The following CHTF18 variants were observed in gnomAD, a reference collection of about 807,000 sequenced individuals.
The protein encoded by CHTF18 is chromosome transmission fidelity factor 18.
In CHTF18, 151 loss-of-function variants were observed where a neutral mutation model predicts 113.4. The ratio of observed to expected loss-of-function variants is 1.33; its 90% CI spans 1.17 to 1.52. The LOEUF is 1.52. Among genes scored for constraint, CHTF18 ranks in the 40% most tolerant of loss-of-function variants. The probability of loss-of-function intolerance (pLI) is 0.00; values close to 1 mark genes in which losing one functional copy is unlikely to be tolerated. For missense variants in CHTF18, 1,982 were observed against 1,381.6 expected (o/e 1.43, Z -6.89); for synonymous variants, 916 against 598.8 (o/e 1.53, Z -7.74).
intron 4 of CHTF18, chr16:789,954 G>A: frequency 6.5e-7 from 1 of 1,531,888 alleles, no homozygotes; most frequent in Admixed American, 2.0e-5. Flanking sequence ...TTCCCCTCCT[G>A]CTTTTGCCCT....
chr16:789,459 T>C (rs2042106013), intron 3 of CHTF18, 88 bp from the exon 4 acceptor site: 2 of 1,532,304 alleles, frequency 1.3e-6, no homozygotes, highest in East Asian at 4.5e-5. Context: ...GTGGGGAGGG[T>C]TCCATGGCTG....
chr16:790,378 A>G lies in CHTF18; in HGVS notation c.731A>G (p.Lys244Arg), dbSNP rs3765263. The change falls in exon 6 of 22, where the codon AAG (lysine) becomes AGG (arginine). Residue 244 changes from lysine (K) to arginine (R), a missense_variant. Physicochemically the swap from Lys to Arg is conservative, Grantham distance 26 (BLOSUM62 2). Transcript: ENST00000262315. ...RRERLLQEAQ[K>R]LSDTLHSLRS... ...GAGCGGCTGCTTCAGGAGGCCCAGA[A>G]GCTTTCAGACACCCTGCACAGGTGA... 466,651 of 1,610,860 alleles carry G rather than the reference A, an allele frequency of 0.29. 77,829 individuals carry two copies. The highest frequency in any genetic ancestry group is 0.6 in the East Asian group (26,960 of 44,732).
At chr16:793,447 C>T (rs372666363) in intron 14 of CHTF18, among the ~76,000 whole-genome samples, 173 bp downstream of exon 14, 2 of 152,162 alleles carry the variant, frequency 1.3e-5, no homozygotes, top group African/African-American at 4.8e-5. Flanking sequence ...TTGTTCTCGC[C>T]CCTACAGCCT....
Position 793,199 on chromosome 16 carries a change from G to T in CHTF18, c.1727G>T (p.Arg576Leu), listed in dbSNP as rs199722031. ...ELSVRDVQAT[R>L]VGLKDQRRGL... The stretch of plus-strand genomic sequence containing the variant: ...AGCGTGCGGGACGTGCAGGCCACAC[G>T]CGTGGGCCTCAAGGACCAGCGCAGA... The change falls in exon 14 of 22, where the codon CGC (arginine) becomes CTC (leucine). Residue 576 changes from arginine (R) to leucine (L), a missense_variant. Physicochemically the swap from Arg to Leu is moderately radical, Grantham distance 102. Coordinates refer to ENST00000262315, the MANE Select transcript of CHTF18 (RefSeq NM_022092.3). 279 of 1,608,912 alleles carry T rather than the reference G, an allele frequency of 1.7e-4. No individual in the cohort carries two copies. Among genetic ancestry groups the T allele is most frequent in the Non-Finnish European group, 2.2e-4 (256 of 1,178,724 alleles).
chr16:796,095 TG>T lies in CHTF18; in HGVS notation c.2456+22del. On this transcript the variant is annotated intron_variant, in intron 18 of 21. Transcript: ENST00000262315. ...CTGGAGCCGTGAGTCCCCCAGTGCC[TG>T]GGGTGTGCTCCAGGGTCATGCTCCC... The T allele has an allele frequency of 6.3e-7, 1 of 1,592,626 alleles. No homozygotes were observed. Among genetic ancestry groups the T allele is most frequent in the East Asian group, 2.3e-5 (1 of 43,684 alleles).
chr16:792,849 G>T, intron 12 of CHTF18, 38 bp downstream of exon 12: 1 of 1,534,882 alleles, frequency 6.5e-7, no homozygotes, highest in Non-Finnish European at 8.8e-7. Context: ...CTGATGGCGG[G>T]GTTGGGGGCG....
At chr16:791,535 C>T (rs1010415398) in intron 8 of CHTF18, 165 bp downstream of exon 8, 31 of 1,435,272 alleles carry the variant, frequency 2.2e-5, no homozygotes, top group African/African-American at 2.9e-5. Context: ...GTTGCAGTAA[C>T]AACTCGGGGG....
At position 790,414 on chromosome 16, in the gene CHTF18, C is replaced by G. The variant is rs193266504; in HGVS notation, c.752+15C>G. 1 of 1,612,316 alleles carries G rather than the reference C, an allele frequency of 6.2e-7. No homozygotes were observed. The highest frequency in any genetic ancestry group is 8.5e-7 in the Non-Finnish European group (1 of 1,179,746). Reference sequence around the variant, plus strand: ...ACCCTGCACAGGTGACTTGGTTGGCCCTTCCGCCCTGGGGACCCTTGTTGG... The same window carrying G: ...ACCCTGCACAGGTGACTTGGTTGGCGCTTCCGCCCTGGGGACCCTTGTTGG... On this transcript the variant is annotated intron_variant, in intron 6 of 21. Transcript: ENST00000262315.
In CHTF18 at chr16:790,345, A is replaced by G; in HGVS notation, c.700-2A>G. ...CCTGATTCCAGCCTGTTGTTTGCACAGCGGCGGGAGCGGCTGCTTCAGGAG... is the reference window on the plus strand; with the variant it reads ...CCTGATTCCAGCCTGTTGTTTGCACGGCGGCGGGAGCGGCTGCTTCAGGAG... On this transcript the variant is annotated splice_acceptor_variant, in intron 5 of 21. Coordinates refer to ENST00000262315, the MANE Select transcript of CHTF18 (RefSeq NM_022092.3). LOFTEE classifies it high-confidence loss of function. The G allele has an allele frequency of 6.2e-7, 1 of 1,608,846 alleles. No individual in the cohort carries two copies.
chr16:790,993 G>A, intron 7 of CHTF18, 168 bp from the exon 8 acceptor site: 1 of 1,454,202 alleles, frequency 6.9e-7, no homozygotes, highest in South Asian at 1.4e-5. Context: ...CGTGGGGGTG[G>A]AGCCCCTGGT....
Position 793,799 on chromosome 16 carries a change from TG to T in CHTF18, c.1803-251del, listed in dbSNP as rs1456446295. Reference sequence around the variant, plus strand: ...CCTGGACCCGGAGGGGGACTTTCCCTGGGGTCCCCTAACCCCAGAGGGTCAG... The same window carrying T: ...CCTGGACCCGGAGGGGGACTTTCCCTGGGTCCCCTAACCCCAGAGGGTCAG... On this transcript the variant is annotated intron_variant, in intron 14 of 21. Transcript: ENST00000262315. 4.6e-6 allele frequency: 3 copies of T among 653,274 alleles called. No homozygotes were observed. In the Admixed American group the frequency reaches 7.0e-5, roughly 15 times the overall value. The allele number at this position is 653,274 out of a possible 1,614,324, so 40.5% of individuals were successfully genotyped here. A position where few individuals can be genotyped will look rare whatever the true frequency, so the allele number is the denominator to read the frequency against.
rs546305 is a variant in CHTF18, at chr16:797,654, C to T, written c.2734-40C>T. 7,000 of 1,603,904 alleles carry T rather than the reference C, an allele frequency of 4.4e-3. 18 individuals carry two copies. The highest frequency in any genetic ancestry group is 5.8e-3 in the Admixed American group (346 of 59,922). On this transcript the variant is annotated intron_variant, in intron 20 of 21. Coordinates refer to ENST00000262315, the MANE Select transcript of CHTF18 (RefSeq NM_022092.3). ...TGTCTTGGGTAGGGGCTGGATGGGGCATCTGTCCTATACGACTGACTAGTC... is the reference window on the plus strand; with the variant it reads ...TGTCTTGGGTAGGGGCTGGATGGGGTATCTGTCCTATACGACTGACTAGTC...
Position 791,216 on chromosome 16 carries a change from G to A in CHTF18, c.950G>A (p.Gly317Asp), listed in dbSNP as rs370569554. ...AAGTTGTGGGACCTGGTGGTGTTTG[G>A]CCACGAGAGGCCTTCCCGGAAGCCC... ...WLKLWDLVVF[G>D]HERPSRKPRP... The change falls in exon 8 of 22, where the codon GGC becomes GAC. Residue 317 changes from glycine (G) to aspartate (D), a missense_variant. Physicochemically the swap from Gly to Asp is moderately conservative, Grantham distance 94. Coordinates refer to ENST00000262315, the MANE Select transcript of CHTF18 (RefSeq NM_022092.3). The A allele has an allele frequency of 1.2e-6, 2 of 1,611,242 alleles. No homozygotes were observed. Among genetic ancestry groups the A allele is most frequent in the Non-Finnish European group, 1.7e-6 (2 of 1,179,490 alleles).
chr16:797,716 G>T lies in CHTF18; in HGVS notation c.2756G>T (p.Arg919Leu), dbSNP rs369218783. 2.5e-6 allele frequency: 4 copies of T among 1,611,156 alleles called. No individual in the cohort carries two copies. The highest frequency in any genetic ancestry group is 2.2e-5 in the East Asian group (1 of 44,828). Reference sequence around the variant, plus strand: ...CAGCCTGAGAAGGACTTCTTTGGACGTGTGGTCGTCAGGAGCACAGCAGTC... The same window carrying T: ...CAGCCTGAGAAGGACTTCTTTGGACTTGTGGTCGTCAGGAGCACAGCAGTC... ...EEQPEKDFFG[R>L]VVVRSTAVPS... The change falls in exon 21 of 22, where the codon CGT becomes CTT. Residue 919 changes from arginine (R) to leucine (L), a missense_variant. Coordinates refer to ENST00000262315, the MANE Select transcript of CHTF18 (RefSeq NM_022092.3).
Position 791,147 on chromosome 16 carries a change from C to T in CHTF18, c.895-14C>T, listed in dbSNP as rs758915562. 2.5e-5 allele frequency: 40 copies of T among 1,603,996 alleles called. No homozygotes were observed. The highest frequency in any genetic ancestry group is 1.6e-4 in the Middle Eastern group (1 of 6,072). ...TGCCCTCAGGCTGTGCTTCCCTTCC[C>T]GTCCTTCCCGCAGTTCACCAACCGC... On this transcript the variant is annotated splice_polypyrimidine_tract_variant and intron_variant, in intron 7 of 21. Transcript: ENST00000262315.
In CHTF18 at chr16:789,393, T is replaced by C; in HGVS notation, c.437+33T>C. 4 of 1,555,624 alleles carry C rather than the reference T, an allele frequency of 2.6e-6. No homozygotes were observed. The Middle Eastern group carries it at 5.2e-4, about 202-fold the overall frequency. On this transcript the variant is annotated intron_variant, in intron 3 of 21. Coordinates refer to ENST00000262315, the MANE Select transcript of CHTF18 (RefSeq NM_022092.3). ...GCTTGGACATGGGCGTCCCATCCCA[T>C]CTGTCCAGTGGGACTCAGATGGAGC... is the stretch of plus-strand genomic sequence containing the variant.
chr16:789,579 C>T lies in CHTF18; in HGVS notation c.470C>T (p.Thr157Ile), dbSNP rs773745175. Residue 157 changes from threonine to isoleucine, a missense_variant, in exon 4 of 22, where the codon ACA (threonine) becomes ATA (isoleucine). Coordinates refer to ENST00000262315, the MANE Select transcript of CHTF18 (RefSeq NM_022092.3). ...VSEAAADVGL[T>I]RASPAARNPV... ...GAAGCTGCTGCCGACGTGGGTCTCA[C>T]ACGGGCCTCACCAGCTGCCCGCAAT... 7.5e-6 allele frequency: 12 copies of T among 1,605,458 alleles called. No homozygotes were observed. In the South Asian group the frequency reaches 1.1e-4, roughly 15 times the overall value.
At chr16:791,409 G>A (rs1328653387) in intron 8 of CHTF18, 39 bp downstream of exon 8, 1 of 1,553,868 alleles carries the variant, frequency 6.4e-7, no homozygotes, top group South Asian at 1.2e-5. Flanking sequence ...ACAAGCCTGA[G>A]GCTTTGCACT....
rs367668664 is a variant in CHTF18, at chr16:792,473, G to T, written c.1361G>T (p.Arg454Leu). The change falls in exon 11 of 22, where the codon CGC (arginine) becomes CTC (leucine). Residue 454 changes from arginine (R) to leucine (L), a missense_variant. Physicochemically the swap from Arg to Leu is moderately radical, Grantham distance 102. Transcript: ENST00000262315. ...AINVLLSILN[R>L]KGPQEVGPQG... ...AACGTCCTCCTGAGCATCCTGAACCGCAAGGGGCCACAGGAGGTGGGGCCA... is the reference window on the plus strand; with the variant it reads ...AACGTCCTCCTGAGCATCCTGAACCTCAAGGGGCCACAGGAGGTGGGGCCA... 24 of 1,580,900 alleles carry T rather than the reference G, an allele frequency of 1.5e-5. No homozygotes were observed. The highest frequency in any genetic ancestry group is 7.4e-5 in the Admixed American group (4 of 54,110).
Sources: gnomAD v4.1 joint callset for allele counts (sites outside exome capture counted in the v4.1 genomes callset) on GRCh38, gnomAD v4.1.1 for gene constraint, MANE v1.5 for transcripts, NCBI Gene and HGNC (gene_info 2026-07-23, HGNC 2026-07-21) for gene names.